Variants in HEPH observed in about 807,000 individuals in gnomAD.
The protein encoded by HEPH is hephaestin.
Under a neutral mutation model 80.8 loss-of-function variants are expected in HEPH, and 69 were observed. That is an observed-to-expected ratio of 0.85 (90% CI 0.70 to 1.04). HEPH has a LOEUF of 1.04. Among genes scored for constraint, HEPH ranks in the 50% least tolerant of loss-of-function variants. HEPH has a pLI of 0.00. For synonymous variants in HEPH, 431 were observed against 322.8 expected, an observed-to-expected ratio of 1.34 and a Z score of -3.60; for missense variants, 1,115 against 891.3, an observed-to-expected ratio of 1.25 and a Z score of -3.20.
intron 15 of HEPH, among the ~76,000 whole-genome samples, chrX:66,240,916 G>T (rs959347738): frequency 8.9e-6 from 1 of 111,770 alleles, no homozygotes; most frequent in Non-Finnish European, 1.9e-5. Context: ...ATTACACCAG[G>T]CCCAGTGGAT....
chrX:66,257,165 T>C (rs1028052968), intron 17 of HEPH, among the ~76,000 whole-genome samples: 1 of 112,277 alleles, frequency 8.9e-6, no homozygotes, highest in African/African-American at 3.2e-5. Context: ...TTAGAACAGA[T>C]GATTCACAGA....
At chrX:66,220,051 C>A (rs2089574718) in intron 15 of HEPH, among the ~76,000 whole-genome samples, 2 of 111,422 alleles carry the variant, frequency 1.8e-5, no homozygotes, top group Admixed American at 1.9e-4. Context: ...TCTTGCTATA[C>A]AGTATTGTCT....
At chrX:66,242,722 A>G (rs1476451172) in intron 15 of HEPH, among the ~76,000 whole-genome samples, 1 of 112,203 alleles carries the variant, frequency 8.9e-6, no homozygotes, top group Non-Finnish European at 1.9e-5. Flanking sequence ...TCTTGAAGAC[A>G]TAGACGTTAT....
intron 15 of HEPH, among the ~76,000 whole-genome samples, chrX:66,223,981 T>A (rs778790525): frequency 2.7e-5 from 3 of 111,679 alleles, no homozygotes; most frequent in African/African-American, 9.7e-5. Context: ...CTTTCTGACT[T>A]ATTACAAACA....
Position 66,260,209 on chromosome X carries a change from C to G in HEPH, c.3146C>G (p.Thr1049Ser), listed in dbSNP as rs1361675472. 2 of 1,209,142 alleles carry G rather than the reference C, an allele frequency of 1.7e-6. No homozygotes were observed. Among genetic ancestry groups the G allele is most frequent in the Non-Finnish European group, 2.2e-6 (2 of 893,535 alleles). ...PGTWLMHCHV[T>S]DHVHAGMETL... is the part of the protein sequence containing the mutation. ...ACATGGCTGATGCACTGCCATGTGA[C>G]TGACCATGTCCATGCTGGCATGGAG... Residue 1049 changes from threonine (T) to serine (S), a missense_variant, in exon 19 of 21, where the codon ACT becomes AGT. Physicochemically the swap from Thr to Ser is moderately conservative, Grantham distance 58. Coordinates refer to ENST00000343002, the MANE Select transcript of HEPH (RefSeq NM_001367233.3).
intron 14 of HEPH, 118 bp downstream of exon 14, chrX:66,207,452 G>A: frequency 2.2e-6 from 1 of 456,089 alleles, no homozygotes; most frequent in Non-Finnish European, 3.4e-6. Context: ...ATGATATACT[G>A]GAATTATGGA....
At chrX:66,207,062 G>T (rs2088820685) in intron 13 of HEPH, 133 bp from the exon 14 acceptor site, 1 of 400,209 alleles carries the variant, frequency 2.5e-6, no homozygotes. Flanking sequence ...GAAAAAAAAA[G>T]AAATAGGTCC....
At chrX:66,204,852 G>GT (rs1412942817) in intron 13 of HEPH, among the ~76,000 whole-genome samples, 1 of 112,004 alleles carries the variant, frequency 8.9e-6, no homozygotes, top group Non-Finnish European at 1.9e-5. Context: ...ATTTACATCA[G>GT]TTTTTTAAAA....
chrX:66,229,816 G>T (rs1373784297), intron 15 of HEPH, among the ~76,000 whole-genome samples: 4 of 109,220 alleles, frequency 3.7e-5, no homozygotes, highest in African/African-American at 1.3e-4. Context: ...GGGTACATGT[G>T]CACATTGTGC....
In HEPH at chrX:66,170,581, G is replaced by A. The variant is rs936432692; in HGVS notation, c.11G>A (p.Gly4Asp). Residue 4 changes from glycine to aspartate, a missense_variant, in exon 2 of 21, where the codon GGC (glycine) becomes GAC (aspartate). Coordinates refer to ENST00000343002, the MANE Select transcript of HEPH (RefSeq NM_001367233.3). ...AGAGTAATGTGGGCCATGGAGTCAG[G>A]CCACCTCCTCTGGGCTCTGCTGTTC... MES[G>D]HLLWALLFMQ... 1.7e-6 allele frequency: 2 copies of A among 1,209,797 alleles called. No homozygotes were observed. The highest frequency in any genetic ancestry group is 2.2e-6 in the Non-Finnish European group (2 of 894,610).
chrX:66,190,132 C>T (rs1478628705), intron 6 of HEPH, among the ~76,000 whole-genome samples, 194 bp downstream of exon 6: 3 of 107,031 alleles, frequency 2.8e-5, no homozygotes, highest in East Asian at 2.9e-4. Flanking sequence ...TGCTGGATAA[C>T]TTTGGGCACA....
intron 14 of HEPH, 53 bp downstream of exon 14, chrX:66,207,387 G>A: frequency 1.0e-6 from 1 of 994,018 alleles, no homozygotes; most frequent in Non-Finnish European, 1.3e-6. Context: ...CTCCACCTAG[G>A]GAAGCTATGT....
chrX:66,239,716 C>T (rs986324900), intron 15 of HEPH, among the ~76,000 whole-genome samples: 2 of 111,846 alleles, frequency 1.8e-5, no homozygotes, highest in African/African-American at 6.5e-5. Context: ...AGGACACACT[C>T]TTCTAAGATT....
intron 4 of HEPH, among the ~76,000 whole-genome samples, chrX:66,187,947 G>A (rs973354445): frequency 1.8e-5 from 2 of 111,384 alleles, no homozygotes; most frequent in African/African-American, 3.3e-5. Flanking sequence ...GAGTCAAGTC[G>A]CATTGAAATC....
intron 4 of HEPH, among the ~76,000 whole-genome samples, chrX:66,181,892 G>A (rs1364002460): frequency 1.9e-5 from 2 of 106,874 alleles, no homozygotes; most frequent in South Asian, 4.3e-4. Context: ...TGTAAGGAAG[G>A]GATCCAGTTT....
At chrX:66,221,707 C>T (rs968057046) in intron 15 of HEPH, among the ~76,000 whole-genome samples, 29 of 112,692 alleles carry the variant, frequency 2.6e-4, no homozygotes, top group African/African-American at 9.0e-4. Context: ...CCCCAGGGCT[C>T]GGGCTGACAT....
chrX:66,216,028 A>G (rs1185951498), intron 15 of HEPH, among the ~76,000 whole-genome samples: 1 of 111,531 alleles, frequency 9.0e-6, no homozygotes, highest in Non-Finnish European at 1.9e-5. Context: ...CCTGGGAACC[A>G]CACTTGCATC....
Position 66,192,291 on chromosome X carries a change from C to T in HEPH, c.1225C>T (p.Pro409Ser). The change falls in exon 7 of 21, where the codon CCA (proline) becomes TCA (serine). Residue 409 changes from proline (P) to serine (S), a missense_variant. Physicochemically the swap from Pro to Ser is moderately conservative, Grantham distance 74. This residue lies in a region of HEPH where 391 missense variants were observed against 343.6 expected (regional missense o/e 1.14). Transcript: ENST00000343002. ...GAGTACTGGGAAGAATTTGAGAGAG[C>T]CAGGCAGGTAAGAGGCAGTGGGATC... ...DGSTGKNLRE[P>S]GSISDKFFQK... 1 of 1,205,171 alleles carries T rather than the reference C, an allele frequency of 8.3e-7. No homozygotes were observed. Among genetic ancestry groups the T allele is most frequent in the Non-Finnish European group, 1.1e-6 (1 of 890,810 alleles).
chrX:66,242,390 T>G (rs967469121), intron 15 of HEPH, among the ~76,000 whole-genome samples: 3 of 111,921 alleles, frequency 2.7e-5, no homozygotes, highest in African/African-American at 3.2e-5. Flanking sequence ...AAGACTTAAA[T>G]GTAAAACCTA....
Sources: gnomAD v4.1 joint callset for allele counts (sites outside exome capture counted in the v4.1 genomes callset) on GRCh38, gnomAD v4.1.1 for gene constraint, gnomAD v4.1.1 regional missense constraint, MANE v1.5 for transcripts, NCBI Gene and HGNC (gene_info 2026-07-23, HGNC 2026-07-21) for gene names.